Variants in NBPF12 observed in about 807,000 individuals in gnomAD.
NBPF12 encodes NBPF family member NBPF12.
NBPF12 carries 115 observed loss-of-function variants against 146.4 expected under a neutral mutation model. The observed-to-expected ratio is 0.79, with a 90% CI of 0.68 to 0.92. The LOEUF is 0.92. Ranked by LOEUF, NBPF12 falls within the 40% of genes least tolerant of loss-of-function variation. The probability of loss-of-function intolerance (pLI) is 0.00; values close to 1 mark genes in which losing one functional copy is unlikely to be tolerated. For missense variants in NBPF12, 1,205 were observed against 1,326.8 expected (o/e 0.91, Z 1.43); for synonymous variants, 385 against 508.9 (o/e 0.76, Z 3.28).
At chr1:146,971,273 C>T (rs1553886393) in exon 13 of NBPF12, 56,964 of 1,612,134 alleles carry the variant, frequency 0.035, 1,860 homozygotes, top group East Asian at 0.13. Flanking sequence ...GCCCTTGTGA[C>T]TCCAACCAGC....
intron 14 of NBPF12, among the ~76,000 whole-genome samples, chr1:146,973,907 A>G (rs1294128298): frequency 2.7e-4 from 41 of 150,534 alleles, no homozygotes; most frequent in African/African-American, 9.9e-4. Context: ...ATCGCACCCG[A>G]GAATGTGTGG....
intron 16 of NBPF12, among the ~76,000 whole-genome samples, chr1:146,976,336 T>A (rs1413027003): frequency 0.78 from 107,187 of 137,164 alleles, 42,722 homozygotes; most frequent in East Asian, 1. Flanking sequence ...GGTCTGAAGC[T>A]TTCAAATGTG....
At chr1:146,964,314 A>T (rs1466332413) in intron 6 of NBPF12, 43 bp from the exon 10 acceptor site, 1 of 1,598,662 alleles carries the variant, frequency 6.3e-7, no homozygotes, top group Non-Finnish European at 8.6e-7. Context: ...TGCTTGCAGA[A>T]TGTGAAGTGG....
rs1335480585 is a variant in NBPF12 at position 146,959,323 on chromosome 1, A to G, written c.-183-536A>G. On this transcript the variant is annotated intron_variant, in intron 2 of 33. Transcript: ENST00000617844. ...CCCCGTCTCTACTAAAAATACAAAA[A>G]AAAAAAAATGAAAAATTAGCCGGGC... Among the ~76,000 whole-genome samples, 9 of 48,400 alleles carry G rather than the reference A, an allele frequency of 1.9e-4. 3 individuals carry two copies. The highest frequency in any genetic ancestry group is 3.0e-4 in the Non-Finnish European group (9 of 30,000). The allele number at this position is 48,400 out of a possible 152,430, so 31.8% of individuals were successfully genotyped here. A position where few individuals can be genotyped will look rare whatever the true frequency, so the allele number is the denominator to read the frequency against.
chr1:146,962,331 G>T lies in NBPF12; in HGVS notation c.278+68G>T. 37 of 1,321,818 alleles carry T rather than the reference G, an allele frequency of 2.8e-5. No homozygotes were observed. The South Asian group carries it at 2.9e-4, about 11-fold the overall frequency. 81.9% of individuals were successfully genotyped at this position (1,321,818 alleles called of 1,614,324 possible). ...GATCTCTGAAGTACAGCAGCTCGGCGGGGAGAAGTAAGAACGAAGCTGGGC... is the reference window on the plus strand; with the variant it reads ...GATCTCTGAAGTACAGCAGCTCGGCTGGGAGAAGTAAGAACGAAGCTGGGC... On this transcript the variant is annotated intron_variant, in intron 5 of 33. Transcript: ENST00000617844.
At chr1:146,968,679 T>A (rs1553885953) in intron 10 of NBPF12, 129 bp downstream of exon 13, 2 of 796,086 alleles carry the variant, frequency 2.5e-6, no homozygotes, top group Non-Finnish European at 4.3e-6. Flanking sequence ...GCAGGCTCGC[T>A]ACACACAAAT....
chr1:146,945,271 A>G (rs1462759766), upstream of NBPF12, among the ~76,000 whole-genome samples: 3 of 151,460 alleles, frequency 2.0e-5, no homozygotes, highest in Non-Finnish European at 4.4e-5. Context: ...CAGGGAGCTC[A>G]TCCTGTAGCC....
chr1:146,976,265 T>A (rs1657006661), intron 16 of NBPF12, among the ~76,000 whole-genome samples: 1 of 151,132 alleles, frequency 6.6e-6, no homozygotes. Flanking sequence ...TGTCGGTGAG[T>A]GAATGACTTG....
intron 9 of NBPF12, among the ~76,000 whole-genome samples, chr1:146,967,002 C>G (rs1656253562): frequency 6.6e-6 from 1 of 151,166 alleles, no homozygotes; most frequent in Non-Finnish European, 1.5e-5. Flanking sequence ...ATCCTGCAGA[C>G]AAATAACATC....
chr1:146,950,230 G>C lies in NBPF12; in HGVS notation c.-326+808G>C, dbSNP rs1303156684. Among the ~76,000 whole-genome samples, 193 of 151,464 alleles carry C rather than the reference G, an allele frequency of 1.3e-3. 3 individuals carry two copies. The South Asian group carries it at 0.02, about 15-fold the overall frequency. ...GAAAAATGTCATGTAGACCACATCA[G>C]ATCAAAAGTTTAAAATCCCATCTAA... On this transcript the variant is annotated intron_variant, in intron 1 of 33. Transcript: ENST00000617844.
intron 1 of NBPF12, among the ~76,000 whole-genome samples, chr1:146,939,220 G>T (rs1654679986): frequency 6.6e-6 from 1 of 152,046 alleles, no homozygotes; most frequent in Non-Finnish European, 1.5e-5. Flanking sequence ...GAAACTCCCT[G>T]GCGGGTGTTC....
At chr1:146,978,601 A>G (rs2101896583) in intron 18 of NBPF12, among the ~76,000 whole-genome samples, 2 of 152,074 alleles carry the variant, frequency 1.3e-5, no homozygotes, top group Admixed American at 1.3e-4. Flanking sequence ...ATGCCTCTAA[A>G]CATTTTATGT....
At chr1:146,969,817 G>A (rs1277469860) in intron 11 of NBPF12, among the ~76,000 whole-genome samples, 1 of 151,246 alleles carries the variant, frequency 6.6e-6, no homozygotes, top group African/African-American at 2.4e-5. Context: ...ATGGAAGGTG[G>A]TCTTTGGAGC....
chr1:146,962,319 C>T (rs1655900829), intron 5 of NBPF12, 56 bp downstream of exon 8: 13 of 1,404,824 alleles, frequency 9.3e-6, no homozygotes, highest in Admixed American at 3.6e-5. Context: ...CTCTGAAGTA[C>T]AGCAGCTCGG....
exon 13 of NBPF12, chr1:146,971,359 A>C: frequency 6.2e-7 from 1 of 1,611,696 alleles, no homozygotes; most frequent in Non-Finnish European, 8.5e-7. Flanking sequence ...GAATCCTCTC[A>C]TGATGAATGT....
intron 2 of NBPF12, among the ~76,000 whole-genome samples, chr1:146,953,551 G>A (rs1246237346): frequency 1.4e-5 from 2 of 145,212 alleles, no homozygotes; most frequent in African/African-American, 5.2e-5. Flanking sequence ...TATTATCAGG[G>A]CAAAAGAGAA....
chr1:146,987,733 T>TTGTGTGTGTG (rs782154969), intron 25 of NBPF12, among the ~76,000 whole-genome samples: 223 of 146,124 alleles, frequency 1.5e-3, no homozygotes, highest in African/African-American at 5.3e-3. Flanking sequence ...GTGTGTGTGT[T>TTGTGTGTGTG]TGTGTGTGTG....
intron 2 of NBPF12, among the ~76,000 whole-genome samples, chr1:146,954,557 C>T (rs1392757720): frequency 1.0e-4 from 15 of 150,452 alleles, no homozygotes; most frequent in African/African-American, 2.9e-4. Context: ...GTCAGTTCTT[C>T]GTAAATTGAT....
At chr1:146,994,336 A>G in exon 34 of NBPF12, 2 of 1,611,644 alleles carry the variant, frequency 1.2e-6, no homozygotes, top group East Asian at 2.2e-5. Flanking sequence ...TTCCAGGCTC[A>G]ACAGCGTGCT....
Sources: gnomAD v4.1 joint callset for allele counts (sites outside exome capture counted in the v4.1 genomes callset) on GRCh38, gnomAD v4.1.1 for gene constraint, MANE v1.5 for transcripts, NCBI Gene and HGNC (gene_info 2026-07-23, HGNC 2026-07-21) for gene names.